Variants in HEATR5A observed in about 807,000 individuals in gnomAD.
The protein encoded by HEATR5A is HEAT repeat-containing protein 5A.
HEATR5A carries 178 observed loss-of-function variants against 218.8 expected under a neutral mutation model. That is an observed-to-expected ratio of 0.81 (90% confidence interval 0.72 to 0.92). The LOEUF is 0.92. Ranked by LOEUF, HEATR5A falls within the 40% of genes least tolerant of loss-of-function variation. The pLI, the probability that HEATR5A is intolerant of heterozygous loss-of-function variation, is 0.00. For synonymous variants in HEATR5A, 864 were observed against 871.6 expected, an observed-to-expected ratio of 0.99 and a Z score of 0.15; for missense variants, 2,420 against 2,418.9, an observed-to-expected ratio of 1.00 and a Z score of -0.01.
chr14:31,376,399 G>A (rs891452700), intron 11 of HEATR5A, among the ~76,000 whole-genome samples: 1 of 152,168 alleles, frequency 6.6e-6, no homozygotes, highest in African/African-American at 2.4e-5. Context: ...TATAGTCCCA[G>A]CTACTTGGGA....
intron 13 of HEATR5A, 50 bp downstream of exon 13, chr14:31,371,760 A>G (rs937726315): frequency 1.6e-5 from 14 of 849,028 alleles, no homozygotes; most frequent in Non-Finnish European, 2.3e-5. Context: ...TACTTAAGGA[A>G]TATTACATAA....
chr14:31,353,945 G>A lies in HEATR5A; in HGVS notation c.2412-3228C>T, dbSNP rs557252048. 9.9e-5 allele frequency among the ~76,000 whole-genome samples: 15 copies of A among 151,894 alleles called. No individual in the cohort carries two copies. The South Asian group carries it at 1.0e-3, about 11-fold the overall frequency. On this transcript the variant is annotated intron_variant, in intron 16 of 35. Coordinates refer to ENST00000543095, the MANE Select transcript of HEATR5A (RefSeq NM_015473.4). ...CTCCTGAGTAGCTGGGACTACAGGCGCCCACACTACACCTGGCTAATTTTT... is the reference window on the plus strand; with the variant it reads ...CTCCTGAGTAGCTGGGACTACAGGCACCCACACTACACCTGGCTAATTTTT...
In HEATR5A at chr14:31,304,996, C is replaced by G. The variant is rs530344548; in HGVS notation, c.5148G>C (p.Thr1716=). 5.6e-6 allele frequency: 9 copies of G among 1,613,928 alleles called. No homozygotes were observed. The highest frequency in any genetic ancestry group is 4.5e-5 in the East Asian group (2 of 44,884). Residue 1716 remains threonine, a synonymous_variant, in exon 32 of 36, where the codon ACG becomes ACC. Coordinates refer to ENST00000543095, the MANE Select transcript of HEATR5A (RefSeq NM_015473.4). ...KLTGSPGVKA[T]KPQILLEDGS... Reference sequence around the variant, plus strand: ...CATCTTCTAATAGTATCTGTGGCTTCGTAGCTTTTACTCCTGGGCTACCTG... The same window carrying G: ...CATCTTCTAATAGTATCTGTGGCTTGGTAGCTTTTACTCCTGGGCTACCTG...
At chr14:31,386,609 C>G (rs368091941) in intron 8 of HEATR5A, 34 bp from the exon 9 acceptor site, 21 of 1,531,936 alleles carry the variant, frequency 1.4e-5, no homozygotes, top group Non-Finnish European at 1.8e-5. Flanking sequence ...TATGCATAAC[C>G]ACTGTATTAA....
chr14:31,325,092 T>G (rs1900221688), intron 23 of HEATR5A, among the ~76,000 whole-genome samples: 1 of 152,216 alleles, frequency 6.6e-6, no homozygotes, highest in African/African-American at 2.4e-5. Context: ...TCTGTCTATG[T>G]CTTCAGGCAG....
chr14:31,389,343 C>G (rs1448103068), intron 6 of HEATR5A, among the ~76,000 whole-genome samples: 3 of 152,200 alleles, frequency 2.0e-5, no homozygotes, highest in African/African-American at 7.2e-5. Flanking sequence ...AATGAAAATG[C>G]TATACAATGC....
chr14:31,310,280 C>T (rs1056012779), intron 28 of HEATR5A, among the ~76,000 whole-genome samples: 3 of 152,142 alleles, frequency 2.0e-5, no homozygotes, highest in Non-Finnish European at 2.9e-5. Flanking sequence ...AGTGACCCTC[C>T]CACCTCAGCC....
intron 9 of HEATR5A, among the ~76,000 whole-genome samples, chr14:31,385,035 TTAAG>T (rs774526045): frequency 2.6e-5 from 4 of 152,172 alleles, no homozygotes; most frequent in South Asian, 2.1e-4. Context: ...CAAATGCTAT[TTAAG>T]TAAGTGTCCC....
intron 21 of HEATR5A, 39 bp from the exon 22 acceptor site, chr14:31,337,653 C>G (rs906200029): frequency 5.1e-6 from 8 of 1,571,008 alleles, no homozygotes; most frequent in African/African-American, 1.3e-5. Context: ...AGCTAAAATT[C>G]TTGTTGGCAC....
intron 22 of HEATR5A, among the ~76,000 whole-genome samples, chr14:31,328,261 T>G (rs1294079431): frequency 6.6e-6 from 1 of 152,020 alleles, no homozygotes; most frequent in Non-Finnish European, 1.5e-5. Flanking sequence ...TTTGTGGGTG[T>G]TTTGTTTTGT....
chr14:31,322,369 A>G (rs1295215718), intron 24 of HEATR5A, among the ~76,000 whole-genome samples: 1 of 152,242 alleles, frequency 6.6e-6, no homozygotes, highest in African/African-American at 2.4e-5. Context: ...TTGTAACTGT[A>G]AAGTATCTAG....
At chr14:31,329,527 C>A (rs1379724767) in intron 22 of HEATR5A, among the ~76,000 whole-genome samples, 3 of 152,200 alleles carry the variant, frequency 2.0e-5, no homozygotes, top group African/African-American at 7.2e-5. Context: ...TTCCATGTCT[C>A]ATATCCAGGG....
At chr14:31,333,127 T>C (rs74191912) in intron 22 of HEATR5A, among the ~76,000 whole-genome samples, 15,198 of 152,132 alleles carry the variant, frequency 0.1, 1,010 homozygotes, top group East Asian at 0.21. Flanking sequence ...GGTTGGTTCA[T>C]GGGGTTAAGG....
rs577497140 is a variant in HEATR5A, at chr14:31,344,268, C to CTTTTTTTTTTTTTTTTTTTT, written c.3059-223_3059-204dup. Among the ~76,000 whole-genome samples, 9 of 50,830 alleles carry CTTTTTTTTTTTTTTTTTTTT rather than the reference C, an allele frequency of 1.8e-4. 1 individual carries two copies. Among genetic ancestry groups the CTTTTTTTTTTTTTTTTTTTT allele is most frequent in the East Asian group, 7.5e-4 (1 of 1,340 alleles). 33.3% of individuals were successfully genotyped at this position (50,830 alleles called of 152,430 possible). The stretch of plus-strand genomic sequence containing the variant: ...GTTACAGATTGTTAGATTAGTTATT[C>CTTTTTTTTTTTTTTTTTTTT]TTTTTTTTTTTTTTTTTTTTTTTTT... On this transcript the variant is annotated intron_variant, in intron 20 of 35. Transcript: ENST00000543095.
chr14:31,330,824 A>C (rs971021954), intron 22 of HEATR5A, among the ~76,000 whole-genome samples: 3 of 151,778 alleles, frequency 2.0e-5, no homozygotes, highest in African/African-American at 7.3e-5. Context: ...ACTCCTTGTT[A>C]CTTGTGAAAA....
intron 6 of HEATR5A, among the ~76,000 whole-genome samples, chr14:31,390,274 C>A (rs1164211468): frequency 6.6e-6 from 1 of 151,982 alleles, no homozygotes; most frequent in Non-Finnish European, 1.5e-5. Context: ...AAGGCTGTGA[C>A]TGAAATGAGG....
At position 31,307,940 on chromosome 14, in the gene HEATR5A, C is replaced by T. The variant is rs1157510381; in HGVS notation, c.4771G>A (p.Ala1591Thr). 1.9e-6 allele frequency: 3 copies of T among 1,613,690 alleles called. No homozygotes were observed. The Admixed American group carries it at 5.0e-5, about 27-fold the overall frequency. ...CTGGGCCAAGGTACATCTAGAAGTG[C>T]TTGCAATGCATGTAAACAAGCAGTT... is the stretch of plus-strand genomic sequence containing the variant. ...SITACLHALQ[A>T]LLDVPWPRSK... The change falls in exon 30 of 36, where the codon GCA (alanine) becomes ACA (threonine). Residue 1591 changes from alanine to threonine, a missense_variant. Transcript: ENST00000543095.
chr14:31,339,012 C>T (rs1010191180), intron 21 of HEATR5A, among the ~76,000 whole-genome samples: 2 of 150,502 alleles, frequency 1.3e-5, no homozygotes, highest in African/African-American at 4.9e-5. Context: ...CCCTGCTACT[C>T]GGGAGGCTGA....
chr14:31,409,068 G>A (rs1358192249), intron 1 of HEATR5A, among the ~76,000 whole-genome samples: 4 of 71,106 alleles, frequency 5.6e-5, no homozygotes, highest in Admixed American at 1.4e-4. Flanking sequence ...AAAAAAAAAA[G>A]ATGGAGTCTT....
Sources: allele counts gnomAD v4.1 joint callset (sites outside exome capture counted in the v4.1 genomes callset), GRCh38; gene constraint gnomAD v4.1.1; transcripts MANE v1.5; gene names NCBI Gene and HGNC (gene_info 2026-07-23, HGNC 2026-07-21).